The following LINC00305 variants were observed in gnomAD, a reference collection of about 807,000 sequenced individuals.
The protein encoded by LINC00305 is long independently transcribed non-coding RNA 305, also known as long intergenic non-protein coding RNA 305.
chr18:64,082,122 T>A (rs1289447616), intron 3 of LINC00305, among the ~76,000 whole-genome samples: 1 of 152,138 alleles, frequency 6.6e-6, no homozygotes, highest in Non-Finnish European at 1.5e-5. Flanking sequence ...TTAGGAGTCA[T>A]ACAGCCAAAG....
At chr18:64,097,757 T>C (rs920790834) in intron 3 of LINC00305, 3 of 412,058 alleles carry the variant, frequency 7.3e-6, no homozygotes, top group Non-Finnish European at 1.5e-5. Flanking sequence ...TATTGAATAC[T>C]AATAAAAAAG....
At chr18:64,094,856 A>AAATAAATAAAT (rs1568105312) in intron 3 of LINC00305, among the ~76,000 whole-genome samples, 1,387 of 120,832 alleles carry the variant, frequency 0.011, 25 homozygotes, top group African/African-American at 0.035. Context: ...TTCATCTCAA[A>AAATAAATAAAT]AAATAAATAA....
intron 3 of LINC00305, among the ~76,000 whole-genome samples, chr18:64,092,074 G>A (rs2051226816): frequency 1.3e-5 from 2 of 152,150 alleles, no homozygotes. Flanking sequence ...ACTTAAATAT[G>A]TTTGAAAAAC....
At chr18:64,092,396 A>C (rs1197695209) in intron 3 of LINC00305, among the ~76,000 whole-genome samples, 3 of 152,198 alleles carry the variant, frequency 2.0e-5, no homozygotes, top group Non-Finnish European at 2.9e-5. Flanking sequence ...CCCCGTCTCT[A>C]CTAAAAATAC....
intron 1 of LINC00305, among the ~76,000 whole-genome samples, chr18:64,123,248 T>C (rs1350244127): frequency 2.6e-5 from 4 of 152,136 alleles, no homozygotes; most frequent in African/African-American, 9.7e-5. Context: ...TTACCTCTTC[T>C]TGGTCTTCCT....
intron 1 of LINC00305, among the ~76,000 whole-genome samples, chr18:64,143,812 CAT>C (rs531463839): frequency 4.7e-4 from 71 of 150,452 alleles, no homozygotes; most frequent in Non-Finnish European, 8.3e-4. Flanking sequence ...TGTATGTATA[CAT>C]ATATACACAG....
At chr18:64,126,743 G>A (rs1166977547) in intron 1 of LINC00305, among the ~76,000 whole-genome samples, 1 of 152,064 alleles carries the variant, frequency 6.6e-6, no homozygotes, top group Non-Finnish European at 1.5e-5. Flanking sequence ...GTTGCTTACA[G>A]ACTTTTCATC....
At chr18:64,093,262 T>C (rs892818215) in intron 3 of LINC00305, among the ~76,000 whole-genome samples, 2 of 152,218 alleles carry the variant, frequency 1.3e-5, no homozygotes, top group African/African-American at 4.8e-5. Context: ...CACATGAATA[T>C]ACCTGACAGC....
At chr18:64,141,496 AGG>A (rs1467816920) in intron 1 of LINC00305, among the ~76,000 whole-genome samples, 1 of 152,192 alleles carries the variant, frequency 6.6e-6, no homozygotes, top group East Asian at 1.9e-4. Context: ...AAAATAAAAA[AGG>A]GGGAAAAAGT....
At chr18:64,100,534 AC>A (rs2051264179) in intron 1 of LINC00305, among the ~76,000 whole-genome samples, 1 of 152,166 alleles carries the variant, frequency 6.6e-6, no homozygotes, top group South Asian at 2.1e-4. Context: ...AGCCCAATTT[AC>A]CCTACTTTTA....
At chr18:64,088,008 A>G (rs1042671702) in intron 3 of LINC00305, among the ~76,000 whole-genome samples, 1 of 152,148 alleles carries the variant, frequency 6.6e-6, no homozygotes, top group Admixed American at 6.5e-5. Context: ...CTGTAGTCCC[A>G]GCTACCTGGG....
intron 1 of LINC00305, among the ~76,000 whole-genome samples, chr18:64,140,291 C>A (rs2051455798): frequency 6.6e-6 from 1 of 152,158 alleles, no homozygotes; most frequent in South Asian, 2.1e-4. Context: ...TCACTGCAAC[C>A]TCTGCCTCCC....
intron 1 of LINC00305, among the ~76,000 whole-genome samples, chr18:64,133,803 A>G (rs983021786): frequency 5.3e-4 from 80 of 152,184 alleles, no homozygotes; most frequent in African/African-American, 1.9e-3. Context: ...GTCTTTCAAC[A>G]TGTCATTTTC....
chr18:64,140,274 T>C (rs768312861), intron 1 of LINC00305, among the ~76,000 whole-genome samples: 29 of 152,156 alleles, frequency 1.9e-4, no homozygotes, highest in Non-Finnish European at 3.5e-4. Context: ...AGTAGTGTGA[T>C]GTCAGCTCAC....
chr18:64,102,392 T>C (rs1599211639), intron 1 of LINC00305, among the ~76,000 whole-genome samples: 1 of 152,174 alleles, frequency 6.6e-6, no homozygotes, highest in South Asian at 2.1e-4. Context: ...TAAGTAGACA[T>C]TTAGAATGTC....
intron 3 of LINC00305, among the ~76,000 whole-genome samples, chr18:64,097,677 C>A (rs1213027926): frequency 1.3e-5 from 2 of 151,892 alleles, no homozygotes; most frequent in Non-Finnish European, 2.9e-5. Flanking sequence ...GAAGAGGGAG[C>A]TTTTAGATTG....
intron 3 of LINC00305, among the ~76,000 whole-genome samples, chr18:64,094,884 T>TG (rs1568105328): frequency 4.0e-5 from 6 of 148,616 alleles, no homozygotes; most frequent in Admixed American, 1.3e-4. Flanking sequence ...AATAAATAAA[T>TG]AATAAAATAA....
At chr18:64,093,249 C>A (rs184018328) in intron 3 of LINC00305, among the ~76,000 whole-genome samples, 126 of 152,296 alleles carry the variant, frequency 8.3e-4, no homozygotes, top group Admixed American at 5.0e-3. Flanking sequence ...TTCACAACTT[C>A]CCCACATGAA....
intron 1 of LINC00305, among the ~76,000 whole-genome samples, chr18:64,106,016 A>G (rs1568108459): frequency 6.6e-6 from 1 of 152,358 alleles, no homozygotes; most frequent in African/African-American, 2.4e-5. Flanking sequence ...ATTGTTTCCA[A>G]TGACATTCTG....
Sources: gnomAD v4.1 joint callset for allele counts (sites outside exome capture counted in the v4.1 genomes callset) on GRCh38, gnomAD v4.1.1 for gene constraint, MANE v1.5 for transcripts, NCBI Gene and HGNC (gene_info 2026-07-23, HGNC 2026-07-21) for gene names.